Variants in PDZRN3 observed in about 807,000 individuals in gnomAD.
PDZRN3 encodes the protein PDZ domain containing ring finger 3, also known as E3 ubiquitin-protein ligase PDZRN3.
Under a neutral mutation model 85.7 loss-of-function variants are expected in PDZRN3, and 38 were observed. The ratio of observed to expected loss-of-function variants is 0.44; its 90% confidence interval spans 0.34 to 0.58. PDZRN3 has a LOEUF of 0.58. PDZRN3 is among the 20% of genes least tolerant of loss of function. PDZRN3 has a pLI of 0.01. For missense variants in PDZRN3, 1,629 were observed against 1,506.4 expected (o/e 1.08, Z -1.35); for synonymous variants, 759 against 638.0 (o/e 1.19, Z -2.86).
intron 3 of PDZRN3, among the ~76,000 whole-genome samples, chr3:73,489,182 C>T (rs1169798024): frequency 6.6e-6 from 1 of 152,180 alleles, no homozygotes; most frequent in African/African-American, 2.4e-5. Flanking sequence ...GCTTCTTCCA[C>T]TTGTGCTATA....
chr3:73,537,618 T>C (rs1362377690), intron 3 of PDZRN3, among the ~76,000 whole-genome samples: 1 of 151,856 alleles, frequency 6.6e-6, no homozygotes, highest in East Asian at 1.9e-4. Flanking sequence ...TTTTTTTAAT[T>C]AAATTAATTT....
chr3:73,523,494 C>T (rs892759507), intron 3 of PDZRN3, among the ~76,000 whole-genome samples: 1 of 151,862 alleles, frequency 6.6e-6, no homozygotes, highest in Non-Finnish European at 1.5e-5. Flanking sequence ...TACATACATA[C>T]AAATACACAC....
intron 3 of PDZRN3, among the ~76,000 whole-genome samples, chr3:73,566,853 C>G (rs2106843300): frequency 6.6e-6 from 1 of 152,324 alleles, no homozygotes; most frequent in African/African-American, 2.4e-5. Flanking sequence ...ATGCCTGAAT[C>G]TGTGGCAGCC....
At chr3:73,563,689 G>A (rs1701885324) in intron 3 of PDZRN3, among the ~76,000 whole-genome samples, 2 of 152,018 alleles carry the variant, frequency 1.3e-5, no homozygotes. Context: ...GACGCTATAT[G>A]GCCATAAATG....
At chr3:73,554,880 T>C (rs754935152) in intron 3 of PDZRN3, among the ~76,000 whole-genome samples, 9 of 152,244 alleles carry the variant, frequency 5.9e-5, no homozygotes, top group Non-Finnish European at 1.3e-4. Context: ...AATTCTGTTC[T>C]AGGTGACTTT....
At chr3:73,583,289 AC>A (rs1702227202) in intron 3 of PDZRN3, among the ~76,000 whole-genome samples, 1 of 152,212 alleles carries the variant, frequency 6.6e-6, no homozygotes, top group Non-Finnish European at 1.5e-5. Flanking sequence ...CAGCTAGCTT[AC>A]CCTTATCCAC....
In PDZRN3 at chr3:73,384,325, CGGGAGCTCGGTGATATCT is replaced by C. The variant is rs990952956; in HGVS notation, c.2223_2240del (p.Asp742_Pro747del). On this transcript the variant is annotated inframe_deletion, in exon 10 of 10. Transcript: ENST00000263666. ...TCGAGCTGTCCTTGTCGGATTTCTC[CGGGAGCTCGGTGATATCT>C]GAGAGCTCGTGTCTGCGCACGTCGA... 1 of 1,611,736 alleles carries C rather than the reference CGGGAGCTCGGTGATATCT, an allele frequency of 6.2e-7. No individual in the cohort carries two copies. The highest frequency in any genetic ancestry group is 8.5e-7 in the Non-Finnish European group (1 of 1,179,952).
At chr3:73,487,571 G>A (rs75764324) in intron 3 of PDZRN3, among the ~76,000 whole-genome samples, 1,805 of 152,246 alleles carry the variant, frequency 0.012, 40 homozygotes, top group African/African-American at 0.042. Flanking sequence ...AGGCCGTTTC[G>A]AAGCTCTGTT....
At chr3:73,552,544 C>T (rs1030487923) in intron 3 of PDZRN3, among the ~76,000 whole-genome samples, 2 of 151,666 alleles carry the variant, frequency 1.3e-5, no homozygotes, top group African/African-American at 2.4e-5. Flanking sequence ...GAGGTTTTTG[C>T]GCATGTGAGT....
chr3:73,551,897 C>T (rs1449217201), intron 3 of PDZRN3, among the ~76,000 whole-genome samples: 1 of 152,094 alleles, frequency 6.6e-6, no homozygotes, highest in Non-Finnish European at 1.5e-5. Flanking sequence ...TATCCTTCCC[C>T]TGTTGTACCT....
chr3:73,598,643 G>A (rs1053536766), intron 3 of PDZRN3, among the ~76,000 whole-genome samples: 6 of 152,212 alleles, frequency 3.9e-5, no homozygotes, highest in Non-Finnish European at 8.8e-5. Flanking sequence ...CATGTGGGCT[G>A]GAAGGGCACT....
At chr3:73,512,224 A>G (rs1320357680) in intron 3 of PDZRN3, among the ~76,000 whole-genome samples, 2 of 152,236 alleles carry the variant, frequency 1.3e-5, no homozygotes, top group African/African-American at 4.8e-5. Context: ...ACAACTTTGT[A>G]AGCCCATCAC....
chr3:73,453,404 C>CAA (rs1184407369), intron 3 of PDZRN3, among the ~76,000 whole-genome samples: 80 of 97,478 alleles, frequency 8.2e-4, no homozygotes, highest in African/African-American at 1.7e-3. Flanking sequence ...GACTTCGTCT[C>CAA]AAAAAAAAAA....
At chr3:73,410,973 CA>C (rs1487362769) in intron 3 of PDZRN3, among the ~76,000 whole-genome samples, 1 of 152,194 alleles carries the variant, frequency 6.6e-6, no homozygotes, top group Non-Finnish European at 1.5e-5. Context: ...AAGCCAATGG[CA>C]AGTACTTGGC....
chr3:73,474,589 T>G (rs896104511), intron 3 of PDZRN3: 31 of 1,277,356 alleles, frequency 2.4e-5, no homozygotes, highest in Non-Finnish European at 3.1e-5. Context: ...GCAGTTTCAT[T>G]GCGATCTAAG....
At chr3:73,589,762 C>T (rs1265460878) in intron 3 of PDZRN3, among the ~76,000 whole-genome samples, 1 of 152,162 alleles carries the variant, frequency 6.6e-6, no homozygotes, top group Non-Finnish European at 1.5e-5. Context: ...ATATACAAAA[C>T]AGCTTAAAAC....
At chr3:73,584,247 T>C (rs896247895) in intron 3 of PDZRN3, among the ~76,000 whole-genome samples, 5 of 152,188 alleles carry the variant, frequency 3.3e-5, no homozygotes, top group Non-Finnish European at 7.3e-5. Flanking sequence ...TCAAGATTAC[T>C]ACTGAACTTT....
chr3:73,422,321 T>C (rs1413315020), intron 3 of PDZRN3, among the ~76,000 whole-genome samples: 1 of 152,214 alleles, frequency 6.6e-6, no homozygotes, highest in South Asian at 2.1e-4. Flanking sequence ...CCAGGCTGCT[T>C]TGTCAACTAC....
In PDZRN3 at chr3:73,382,483, C is replaced by T. The variant is rs949716594; in HGVS notation, c.*882G>A. The T allele has an allele frequency of 2.0e-5, 3 of 152,562 alleles. No homozygotes were observed. The highest frequency in any genetic ancestry group is 7.2e-5 in the African/African-American group (3 of 41,442). 9.5% of individuals were successfully genotyped at this position (152,562 alleles called of 1,614,324 possible). A position where few individuals can be genotyped will look rare whatever the true frequency, so the allele number is the denominator to read the frequency against. On this transcript the variant is annotated 3_prime_UTR_variant, in exon 10 of 10. Coordinates refer to ENST00000263666, the MANE Select transcript of PDZRN3 (RefSeq NM_015009.3). ...GGCACCACTGCAAAATGAGGAATCA[C>T]ATCAAAACATATCAAATAGAAAATA... is the stretch of plus-strand genomic sequence containing the variant.
Sources: allele counts gnomAD v4.1 joint callset (sites outside exome capture counted in the v4.1 genomes callset), GRCh38; gene constraint gnomAD v4.1.1; transcripts MANE v1.5; gene names NCBI Gene and HGNC (gene_info 2026-07-23, HGNC 2026-07-21).